Variants in THRAP3 observed in about 807,000 individuals in gnomAD.
THRAP3 encodes the protein thyroid hormone receptor-associated protein 3.
A neutral mutation model predicts 101.0 loss-of-function variants in THRAP3; 16 were observed. That is an observed-to-expected ratio of 0.16 (90% confidence interval 0.11 to 0.24). THRAP3 has a LOEUF of 0.24. Among genes scored for constraint, THRAP3 ranks in the 10% least tolerant of loss-of-function variants. The probability of loss-of-function intolerance (pLI) is 1.00; values close to 1 mark genes in which losing one functional copy is unlikely to be tolerated. For synonymous variants in THRAP3, 407 were observed against 422.6 expected, an observed-to-expected ratio of 0.96 and a Z score of 0.45; for missense variants, 989 against 1,202.7, an observed-to-expected ratio of 0.82 and a Z score of 2.63.
chr1:36,223,223 GAAGA>G (rs766529757), upstream of THRAP3, among the ~76,000 whole-genome samples: 4 of 152,200 alleles, frequency 2.6e-5, no homozygotes, highest in Non-Finnish European at 5.9e-5. Context: ...CTCAAAGAAG[GAAGA>G]AAGAGTAAGC....
At chr1:36,245,207 C>T (rs1431531880) in intron 1 of THRAP3, among the ~76,000 whole-genome samples, 2 of 149,904 alleles carry the variant, frequency 1.3e-5, no homozygotes, top group African/African-American at 4.9e-5. Context: ...CACTCTGTTG[C>T]CCGGTCTGGA....
chr1:36,286,719 C>T lies in THRAP3; in HGVS notation c.489C>T (p.Ser163=). Residue 163 remains serine, a synonymous_variant, in exon 4 of 12, where the codon TCC becomes TCT. Coordinates refer to ENST00000354618, the MANE Select transcript of THRAP3 (RefSeq NM_005119.4). This position sits in a 1 kb window ranked among gnomAD's most constrained non-coding sequence, Gnocchi z 5.5. ...GGCGCTCCTCATCCTCCCGTTCTTC[C>T]TCCAACCATAGCCGAGTTGAATCTT... is the stretch of plus-strand genomic sequence containing the variant. ...RSRRSSSSRS[S]SNHSRVESSK... 6.2e-7 allele frequency: 1 copy of T among 1,614,228 alleles called. No homozygotes were observed. Among genetic ancestry groups the T allele is most frequent in the South Asian group, 1.1e-5 (1 of 91,090 alleles).
chr1:36,252,370 CT>C (rs1272639410), intron 1 of THRAP3, among the ~76,000 whole-genome samples: 11 of 152,184 alleles, frequency 7.2e-5, no homozygotes, highest in African/African-American at 2.7e-4. Context: ...AGTGATCCAC[CT>C]GCCTTGGCCT....
chr1:36,303,741 G>A (rs1646058653), intron 11 of THRAP3, 55 bp from the exon 12 acceptor site: 1 of 1,611,596 alleles, frequency 6.2e-7, no homozygotes, highest in African/African-American at 1.3e-5. Flanking sequence ...AGAGAAGAGA[G>A]CTCTGGCCAC....
chr1:36,242,201 T>C (rs1202136348), intron 1 of THRAP3: 3 of 153,522 alleles, frequency 2.0e-5, no homozygotes, highest in African/African-American at 7.2e-5. Flanking sequence ...AAGGTCTCAC[T>C]GTCCCACAGG....
chr1:36,231,007 T>TG (rs1645021874), intron 1 of THRAP3, among the ~76,000 whole-genome samples: 1 of 152,214 alleles, frequency 6.6e-6, no homozygotes, highest in African/African-American at 2.4e-5. Context: ...AGCCCTGACC[T>TG]GGACAGAGTG....
intron 1 of THRAP3, among the ~76,000 whole-genome samples, chr1:36,252,916 A>G (rs1000440769): frequency 2.2e-4 from 29 of 133,414 alleles, no homozygotes; most frequent in Non-Finnish European, 4.2e-4. Context: ...CAAAAAATAT[A>G]TATAGATAGG....
intron 1 of THRAP3, among the ~76,000 whole-genome samples, chr1:36,249,382 AG>A (rs1486787500): frequency 6.6e-6 from 1 of 151,720 alleles, no homozygotes; most frequent in African/African-American, 2.4e-5. Context: ...TAGTAGAGAC[AG>A]GGTTTCACCG....
intron 7 of THRAP3, among the ~76,000 whole-genome samples, chr1:36,293,473 G>A (rs1645904784): frequency 6.6e-6 from 1 of 152,192 alleles, no homozygotes; most frequent in Admixed American, 6.5e-5. Context: ...AAGCCCAGCA[G>A]GTTTAAAGAC....
chr1:36,210,088 C>T, the THRAP3 span, among the ~76,000 whole-genome samples: 20 of 152,014 alleles, frequency 1.3e-4, no homozygotes, highest in African/African-American at 3.4e-4. Context: ...TCTTTTTGGC[C>T]GGGCGCAGTG....
chr1:36,279,921 A>T (rs995622385), intron 2 of THRAP3, among the ~76,000 whole-genome samples: 1 of 152,232 alleles, frequency 6.6e-6, no homozygotes, highest in Non-Finnish European at 1.5e-5. Flanking sequence ...CATTGGTTCC[A>T]TAAGTTCGTT....
intron 1 of THRAP3, among the ~76,000 whole-genome samples, chr1:36,236,093 A>T (rs978004930): frequency 1.3e-5 from 2 of 151,754 alleles, no homozygotes; most frequent in African/African-American, 2.4e-5. Context: ...CTAAAAATAA[A>T]AAAAAAAAAT....
intron 2 of THRAP3, among the ~76,000 whole-genome samples, chr1:36,276,980 T>C (rs773801151): frequency 6.6e-6 from 1 of 152,122 alleles, no homozygotes. Context: ...TTTATTCTTA[T>C]GTTTTGAGAT....
intron 1 of THRAP3, among the ~76,000 whole-genome samples, chr1:36,246,718 T>G (rs1271404647): frequency 2.0e-5 from 3 of 151,824 alleles, no homozygotes; most frequent in African/African-American, 7.3e-5. Flanking sequence ...GGCCGGCACT[T>G]GTAGTCCCAG....
chr1:36,229,023 C>G (rs1227007755), intron 1 of THRAP3, among the ~76,000 whole-genome samples: 3 of 152,080 alleles, frequency 2.0e-5, no homozygotes, highest in Non-Finnish European at 2.9e-5. Flanking sequence ...GGTAATTGCT[C>G]AAGGCTTACC....
intron 4 of THRAP3, chr1:36,288,429 G>C: frequency 1.0e-6 from 1 of 985,422 alleles, no homozygotes; most frequent in Non-Finnish European, 1.2e-6. Flanking sequence ...CCAGGACTGT[G>C]AATCTCTTTA....
chr1:36,302,567 T>C (rs1225731725), intron 11 of THRAP3, among the ~76,000 whole-genome samples: 1 of 152,186 alleles, frequency 6.6e-6, no homozygotes, highest in Non-Finnish European at 1.5e-5. Flanking sequence ...TGCTCCTATC[T>C]GCCACCTGAG....
the THRAP3 span, among the ~76,000 whole-genome samples, chr1:36,211,083 C>T: frequency 2.6e-5 from 4 of 151,238 alleles, no homozygotes; most frequent in Non-Finnish European, 2.9e-5. Flanking sequence ...CATAGTGGTA[C>T]GCTCCTGTAA....
chr1:36,301,113 T>C (rs745723074), intron 10 of THRAP3, 29 bp downstream of exon 10: 2 of 1,605,312 alleles, frequency 1.2e-6, no homozygotes, highest in Non-Finnish European at 1.7e-6. Flanking sequence ...CCCCTTTCTC[T>C]GAGACCCTTG....
Sources: allele counts gnomAD v4.1 joint callset (sites outside exome capture counted in the v4.1 genomes callset), GRCh38; gene constraint gnomAD v4.1.1; non-coding constraint Gnocchi (gnomAD v3.1); transcripts MANE v1.5; gene names NCBI Gene and HGNC (gene_info 2026-07-23, HGNC 2026-07-21).